Variants in ABI3BP observed in about 807,000 individuals in gnomAD.
ABI3BP encodes ABI family member 3 binding protein, also known as target of Nesh-SH3.
Under a neutral mutation model 268.6 loss-of-function variants are expected in ABI3BP, and 216 were observed. The ratio of observed to expected loss-of-function variants is 0.80; its 90% CI spans 0.72 to 0.90. ABI3BP has a LOEUF of 0.90. Ranked by LOEUF, ABI3BP falls within the 40% of genes least tolerant of loss-of-function variation. The pLI is 0.00. For synonymous variants in ABI3BP, 730 were observed against 730.0 expected, an observed-to-expected ratio of 1.00 and a Z score of 0.00; for missense variants, 2,090 against 2,182.4, an observed-to-expected ratio of 0.96 and a Z score of 0.84.
chr3:100,936,971 G>A (rs985200059), intron 1 of ABI3BP, among the ~76,000 whole-genome samples: 22 of 151,870 alleles, frequency 1.4e-4, no homozygotes, highest in African/African-American at 1.5e-4. Context: ...TCATGTCTCT[G>A]TCTCCTTCGT....
chr3:100,878,705 G>C (rs1400518083), intron 6 of ABI3BP, among the ~76,000 whole-genome samples: 1 of 152,084 alleles, frequency 6.6e-6, no homozygotes, highest in Non-Finnish European at 1.5e-5. Context: ...CTTCCCCAGG[G>C]GAGAAAAGTT....
At position 100,822,669 on chromosome 3, in the gene ABI3BP, G is replaced by T. The variant is rs1413869715; in HGVS notation, c.2807C>A (p.Ser936Tyr). The T allele has an allele frequency of 2.0e-6, 3 of 1,536,322 alleles. No individual in the cohort carries two copies. The highest frequency in any genetic ancestry group is 2.6e-6 in the Non-Finnish European group (3 of 1,146,914). Reference protein sequence around the residue: ...LRPEASTTLASKTSQRTRRPR... With the variant: ...LRPEASTTLAYKTSQRTRRPR... ...ACGACGTGTCCGTTGTGATGTTTTGGAAGCTGAAGGAAGAAGTTCTTGGGT... is the reference window on the plus strand; with the variant it reads ...ACGACGTGTCCGTTGTGATGTTTTGTAAGCTGAAGGAAGAAGTTCTTGGGT... Residue 936 changes from serine to tyrosine, a missense_variant, in exon 38 of 68, where the codon TCC becomes TAC. Ser to Tyr is a moderately radical substitution (Grantham distance 144). Coordinates refer to ENST00000471714, the MANE Select transcript of ABI3BP (RefSeq NM_001375547.2).
At chr3:100,832,542 T>G (rs1254361135) in intron 30 of ABI3BP, among the ~76,000 whole-genome samples, 192 bp from the exon 31 acceptor site, 1 of 152,170 alleles carries the variant, frequency 6.6e-6, no homozygotes, top group Non-Finnish European at 1.5e-5. Flanking sequence ...CAGAGACAAA[T>G]ATTGTACATA....
chr3:100,991,044 CA>C (rs2092829685), intron 1 of ABI3BP, among the ~76,000 whole-genome samples: 1 of 152,110 alleles, frequency 6.6e-6, no homozygotes, highest in Non-Finnish European at 1.5e-5. Flanking sequence ...CTTTTATGAA[CA>C]CTAGACATTC....
chr3:100,786,451 T>C (rs2097048129), intron 57 of ABI3BP, among the ~76,000 whole-genome samples: 2 of 152,298 alleles, frequency 1.3e-5, no homozygotes, highest in South Asian at 4.1e-4. Context: ...TAAAATATAA[T>C]AATGGTTTGT....
intron 20 of ABI3BP, chr3:100,843,979 T>C (rs947624265): frequency 5.1e-6 from 5 of 984,872 alleles, no homozygotes; most frequent in Non-Finnish European, 4.8e-6. Context: ...CAAATAGGGA[T>C]AGAACTCCAT....
At chr3:100,865,856 T>C (rs1417414826) in intron 10 of ABI3BP, among the ~76,000 whole-genome samples, 1 of 152,154 alleles carries the variant, frequency 6.6e-6, no homozygotes, top group Non-Finnish European at 1.5e-5. Context: ...TGGATATTGA[T>C]CACGTATACG....
At chr3:100,773,586 C>G (rs947092559) in intron 61 of ABI3BP, among the ~76,000 whole-genome samples, 1 of 152,152 alleles carries the variant, frequency 6.6e-6, no homozygotes, top group East Asian at 1.9e-4. Context: ...TGTAGCCACC[C>G]CTTCCTAGGT....
intron 4 of ABI3BP, among the ~76,000 whole-genome samples, chr3:100,886,929 C>A (rs2042241415): frequency 6.6e-6 from 1 of 151,746 alleles, no homozygotes; most frequent in South Asian, 2.1e-4. Context: ...TTTACTTAGG[C>A]CTTCATAATA....
Position 100,751,590 on chromosome 3 carries a change from C to A in ABI3BP, c.5207G>T (p.Gly1736Val). The A allele has an allele frequency of 6.3e-7, 1 of 1,597,560 alleles. No homozygotes were observed. Among genetic ancestry groups the A allele is most frequent in the Non-Finnish European group, 8.5e-7 (1 of 1,171,000 alleles). The stretch of plus-strand genomic sequence containing the variant: ...TAACTGGTCAGAAGTGAGTTGCTGC[C>A]CAGTGCGTCCATCTAAAAATGAATC... ...FVDSFLDGRTGQQLTSDQLPI... is the reference protein window; with the variant it reads ...FVDSFLDGRTVQQLTSDQLPI... The change falls in exon 67 of 68, where the codon GGG becomes GTG. Residue 1736 changes from glycine (G) to valine (V), a missense_variant. Gly to Val is a moderately radical substitution (Grantham distance 109). Coordinates refer to ENST00000471714, the MANE Select transcript of ABI3BP (RefSeq NM_001375547.2).
intron 1 of ABI3BP, among the ~76,000 whole-genome samples, chr3:100,988,418 C>T (rs1392768527): frequency 6.6e-6 from 1 of 152,076 alleles, no homozygotes. Context: ...GTCTAGGCTT[C>T]CCTCTCAGTA....
intron 11 of ABI3BP, 116 bp downstream of exon 11, chr3:100,864,717 G>A (rs1163253338): frequency 2.8e-6 from 2 of 720,034 alleles, no homozygotes; most frequent in Non-Finnish European, 4.6e-6. Context: ...GAAGGAAAAG[G>A]AGAAAGTGGG....
At chr3:100,964,867 G>A (rs2080673838) in intron 1 of ABI3BP, among the ~76,000 whole-genome samples, 1 of 152,164 alleles carries the variant, frequency 6.6e-6, no homozygotes. Context: ...TGCCCTCACT[G>A]GTTGTACCAG....
intron 37 of ABI3BP, 77 bp downstream of exon 37, chr3:100,823,381 G>A: frequency 1.6e-6 from 2 of 1,276,640 alleles, no homozygotes; most frequent in South Asian, 2.8e-5. Context: ...TGACACTGTT[G>A]TCTCAAGAAA....
chr3:100,860,073 AAAAAACAAAAAC>A (rs1258014852), intron 14 of ABI3BP, among the ~76,000 whole-genome samples: 1 of 152,140 alleles, frequency 6.6e-6, no homozygotes, highest in Non-Finnish European at 1.5e-5. Flanking sequence ...ACTCCATCTC[AAAAAACAAAAAC>A]AAAAACAAAA....
At position 100,842,052 on chromosome 3, in the gene ABI3BP, CAAGT is replaced by C. The variant is rs1272170745; in HGVS notation, c.1724-17_1724-14del. The C allele has an allele frequency of 4.6e-6, 7 of 1,531,136 alleles. No homozygotes were observed. In the East Asian group the frequency reaches 9.8e-5, roughly 21 times the overall value. The allele number at this position is 1,531,136 out of a possible 1,614,324, so 94.8% of individuals were successfully genotyped here. On this transcript the variant is annotated splice_polypyrimidine_tract_variant and intron_variant, in intron 20 of 67. Transcript: ENST00000471714. ...TGAGGTTCTGGGGCTGTAATAAAAG[CAAGT>C]AATATCAAAAGCAATGCTGAAGAGC... is the stretch of plus-strand genomic sequence containing the variant.
intron 57 of ABI3BP, among the ~76,000 whole-genome samples, chr3:100,786,109 C>T (rs1292004345): frequency 2.0e-5 from 3 of 152,134 alleles, no homozygotes; most frequent in Non-Finnish European, 4.4e-5. Context: ...GTCTGCTGAC[C>T]TCACTCCCTG....
At chr3:100,896,882 T>G (rs1447811131) in intron 4 of ABI3BP, among the ~76,000 whole-genome samples, 1 of 152,228 alleles carries the variant, frequency 6.6e-6, no homozygotes, top group Non-Finnish European at 1.5e-5. Flanking sequence ...TGGAAATATC[T>G]TCTACATGTT....
Position 100,906,733 on chromosome 3 carries a change from T to A in ABI3BP, c.260-4047A>T, listed in dbSNP as rs181472105. Among the ~76,000 whole-genome samples, 135 of 152,348 alleles carry A rather than the reference T, an allele frequency of 8.9e-4. 1 individual carries two copies. The highest frequency in any genetic ancestry group is 3.0e-3 in the African/African-American group (124 of 41,582). On this transcript the variant is annotated intron_variant, in intron 2 of 67. Coordinates refer to ENST00000471714, the MANE Select transcript of ABI3BP (RefSeq NM_001375547.2). The stretch of plus-strand genomic sequence containing the variant: ...GCCCTATTGTGGAGGACAGGGACAG[T>A]TTACTGCTTAAGGAAATCTACTGTT...
Sources: gnomAD v4.1 joint callset for allele counts (sites outside exome capture counted in the v4.1 genomes callset) on GRCh38, gnomAD v4.1.1 for gene constraint, MANE v1.5 for transcripts, NCBI Gene and HGNC (gene_info 2026-07-23, HGNC 2026-07-21) for gene names.